GPAT3: variants seen among roughly 807,000 people sequenced by gnomAD.
GPAT3 encodes the protein 1-AGP acyltransferase 9.
In GPAT3, 53 loss-of-function variants were observed where a neutral mutation model predicts 58.8. The observed-to-expected ratio is 0.90, with a 90% CI of 0.72 to 1.13. The LOEUF (loss-of-function observed/expected upper bound fraction) is 1.13, where lower values mean the gene tolerates loss of function less well. GPAT3 is among the 50% of genes most tolerant of loss of function. The probability of loss-of-function intolerance (pLI) is 0.00; values close to 1 mark genes in which losing one functional copy is unlikely to be tolerated. For synonymous variants in GPAT3, 197 were observed against 187.4 expected, an observed-to-expected ratio of 1.05 and a Z score of -0.42; for missense variants, 511 against 527.6, an observed-to-expected ratio of 0.97 and a Z score of 0.31.
intron 11 of GPAT3, among the ~76,000 whole-genome samples, chr4:83,601,689 G>A (rs940625243): frequency 6.6e-6 from 1 of 152,238 alleles, no homozygotes. Flanking sequence ...AGGAGGTCGA[G>A]GCTGCAGTTA....
At chr4:83,548,217 C>T (rs1419926402) in intron 2 of GPAT3, among the ~76,000 whole-genome samples, 1 of 152,118 alleles carries the variant, frequency 6.6e-6, no homozygotes, top group Non-Finnish European at 1.5e-5. Flanking sequence ...ATCAGCTGTG[C>T]TTTGGTTGCT....
intron 6 of GPAT3, 69 bp from the exon 7 acceptor site, chr4:83,594,776 G>T: frequency 2.4e-6 from 3 of 1,232,304 alleles, no homozygotes; most frequent in Non-Finnish European, 2.4e-6. Flanking sequence ...GAAATTTGTT[G>T]GTACTTAAAA....
At chr4:83,550,473 G>GC (rs1277750259) in intron 2 of GPAT3, among the ~76,000 whole-genome samples, 1 of 152,124 alleles carries the variant, frequency 6.6e-6, no homozygotes, top group African/African-American at 2.4e-5. Flanking sequence ...TAGTAAATGA[G>GC]CCCCATATCA....
rs116097763 is a variant in GPAT3 at position 83,545,825 on chromosome 4, A to G, written c.208+1223A>G. On this transcript the variant is annotated intron_variant, in intron 2 of 11. Transcript: ENST00000264409. ...TGTCCTTATGATTTAAGGAAAGAAC[A>G]AACTTTGTTGCTGGTTTTCTGTTGT... Among the ~76,000 whole-genome samples, 607 of 152,290 alleles carry G rather than the reference A, an allele frequency of 4.0e-3. 4 individuals carry two copies. Among genetic ancestry groups the G allele is most frequent in the African/African-American group, 0.014 (565 of 41,534 alleles).
At chr4:83,550,642 C>T (rs1578164793) in intron 2 of GPAT3, among the ~76,000 whole-genome samples, 1 of 152,194 alleles carries the variant, frequency 6.6e-6, no homozygotes, top group East Asian at 1.9e-4. Context: ...CTTTAGCAAA[C>T]AATAATTTCT....
At chr4:83,542,176 T>C (rs1487645679) in intron 1 of GPAT3, among the ~76,000 whole-genome samples, 6 of 152,220 alleles carry the variant, frequency 3.9e-5, no homozygotes, top group Admixed American at 1.3e-4. Flanking sequence ...TTGTATAAAA[T>C]ATAAAATCAC....
At chr4:83,547,507 C>G (rs1236051946) in intron 2 of GPAT3, among the ~76,000 whole-genome samples, 1 of 151,932 alleles carries the variant, frequency 6.6e-6, no homozygotes, top group Non-Finnish European at 1.5e-5. Flanking sequence ...CCACCTCGGC[C>G]TCCCAAAGTG....
At chr4:83,571,865 CG>C (rs1560616464) in intron 2 of GPAT3, among the ~76,000 whole-genome samples, 1 of 151,830 alleles carries the variant, frequency 6.6e-6, no homozygotes, top group Non-Finnish European at 1.5e-5. Flanking sequence ...CTCTGCCTCC[CG>C]GGTTCAAGCA....
chr4:83,579,613 G>A (rs1205687953), intron 2 of GPAT3, among the ~76,000 whole-genome samples: 1 of 151,992 alleles, frequency 6.6e-6, no homozygotes, highest in African/African-American at 2.4e-5. Flanking sequence ...AATTCTTAAG[G>A]TGACTAGGTA....
At chr4:83,568,861 G>T (rs1725504455) in intron 2 of GPAT3, among the ~76,000 whole-genome samples, 1 of 152,082 alleles carries the variant, frequency 6.6e-6, no homozygotes, top group South Asian at 2.1e-4. Flanking sequence ...CAATAACTGA[G>T]AAACTTAAAA....
chr4:83,556,084 AC>A (rs1300481869), intron 2 of GPAT3, among the ~76,000 whole-genome samples: 1 of 152,226 alleles, frequency 6.6e-6, no homozygotes, highest in Non-Finnish European at 1.5e-5. Context: ...AATCAAAGAT[AC>A]CATACATAAA....
At chr4:83,584,056 C>T (rs1228078099) in intron 3 of GPAT3, among the ~76,000 whole-genome samples, 1 of 152,048 alleles carries the variant, frequency 6.6e-6, no homozygotes, top group East Asian at 1.9e-4. Flanking sequence ...TCCAAGGTAA[C>T]CTGAAGGAAG....
intron 2 of GPAT3, among the ~76,000 whole-genome samples, chr4:83,572,991 T>A (rs1560616927): frequency 6.6e-6 from 1 of 152,152 alleles, no homozygotes; most frequent in East Asian, 1.9e-4. Flanking sequence ...TAGGTGACTA[T>A]GTTGTTGATG....
At chr4:83,543,030 T>A (rs28626425) in intron 1 of GPAT3, among the ~76,000 whole-genome samples, 1 of 151,714 alleles carries the variant, frequency 6.6e-6, no homozygotes, top group African/African-American at 2.4e-5. Context: ...ATATAAAATG[T>A]TAGCTCACGC....
intron 6 of GPAT3, among the ~76,000 whole-genome samples, chr4:83,594,485 G>A (rs1726736168): frequency 6.6e-6 from 1 of 152,182 alleles, no homozygotes; most frequent in African/African-American, 2.4e-5. Flanking sequence ...GTTATCCATA[G>A]ACTTATGTCA....
intron 11 of GPAT3, among the ~76,000 whole-genome samples, chr4:83,603,810 A>C (rs992310314): frequency 6.9e-6 from 1 of 144,618 alleles, no homozygotes; most frequent in African/African-American, 2.5e-5. Context: ...AAAAAAAAAA[A>C]AAGAAAATAT....
intron 2 of GPAT3, among the ~76,000 whole-genome samples, chr4:83,564,565 G>T (rs761851029): frequency 6.6e-6 from 1 of 152,026 alleles, no homozygotes; most frequent in African/African-American, 2.4e-5. Context: ...CAGGTGTGGT[G>T]GTGCATACCT....
intron 2 of GPAT3, among the ~76,000 whole-genome samples, chr4:83,567,928 C>CT (rs929278528): frequency 9.2e-5 from 14 of 151,352 alleles, no homozygotes; most frequent in South Asian, 4.2e-4. Context: ...CTTTGAGCAA[C>CT]TTTTTTTTTA....
At chr4:83,561,180 C>A (rs1005037858) in intron 2 of GPAT3, among the ~76,000 whole-genome samples, 4 of 152,186 alleles carry the variant, frequency 2.6e-5, no homozygotes, top group African/African-American at 9.7e-5. Context: ...TTGCAACCAG[C>A]AGTACTCTCT....
Sources: gnomAD v4.1 joint callset for allele counts (sites outside exome capture counted in the v4.1 genomes callset) on GRCh38, gnomAD v4.1.1 for gene constraint, MANE v1.5 for transcripts, NCBI Gene and HGNC (gene_info 2026-07-23, HGNC 2026-07-21) for gene names.